Variants in FHIT observed in about 807,000 individuals in gnomAD.
The protein encoded by FHIT is bis(5'-adenosyl)-triphosphatase.
Under a neutral mutation model 17.9 loss-of-function variants are expected in FHIT, and 19 were observed. The observed-to-expected ratio is 1.06, with a 90% CI of 0.74 to 1.56. The LOEUF is 1.56. Among genes scored for constraint, FHIT ranks in the 40% most tolerant of loss-of-function variants. FHIT has a pLI of 0.00. For synonymous variants in FHIT, 81 were observed against 69.7 expected, an observed-to-expected ratio of 1.16 and a Z score of -0.81; for missense variants, 248 against 189.2, an observed-to-expected ratio of 1.31 and a Z score of -1.82.
intron 5 of FHIT, among the ~76,000 whole-genome samples, chr3:60,131,035 GTATA>G (rs1699563926): frequency 1.4e-5 from 1 of 69,280 alleles, no homozygotes; most frequent in Non-Finnish European, 2.4e-5. Context: ...ATACATATGT[GTATA>G]TATACACATA....
At position 61,200,640 on chromosome 3, in the gene FHIT, T is replaced by A. The variant is rs1576199181; in HGVS notation, c.-187A>T. 6.6e-6 allele frequency: 1 copy of A among 152,656 alleles called. No homozygotes were observed. The highest frequency in any genetic ancestry group is 1.5e-5 in the Non-Finnish European group (1 of 68,048). 9.5% of individuals were successfully genotyped at this position (152,656 alleles called of 1,614,324 possible). A position where few individuals can be genotyped will look rare whatever the true frequency, so the allele number is the denominator to read the frequency against. On this transcript the variant is annotated 5_prime_UTR_variant, in exon 2 of 10. Transcript: ENST00000492590. The stretch of plus-strand genomic sequence containing the variant: ...ACCTTTACAGACTGTTCTCAGTGGA[T>A]TTCTCTTCTTTCCTGAGCTTCAAAG...
chr3:60,471,984 A>G (rs2033109910), intron 5 of FHIT, among the ~76,000 whole-genome samples: 2 of 152,242 alleles, frequency 1.3e-5, no homozygotes, highest in Admixed American at 1.3e-4. Flanking sequence ...TGCCACAATT[A>G]CATAGTGAGT....
At chr3:60,890,228 A>AAAAAAAAAAAAAAG (rs1705445298) in intron 3 of FHIT, among the ~76,000 whole-genome samples, 1 of 22,148 alleles carries the variant, frequency 4.5e-5, no homozygotes, top group African/African-American at 7.9e-5. Flanking sequence ...ATGTAAAAAA[A>AAAAAAAAAAAAAAG]AAAAAAAAAA....
chr3:60,082,400 T>C (rs1484217809), intron 5 of FHIT, among the ~76,000 whole-genome samples: 3 of 152,150 alleles, frequency 2.0e-5, no homozygotes, highest in Non-Finnish European at 4.4e-5. Flanking sequence ...GTTGATTTCA[T>C]GTCTTTGCTA....
At chr3:60,175,769 C>G (rs889867183) in intron 5 of FHIT, among the ~76,000 whole-genome samples, 3 of 152,240 alleles carry the variant, frequency 2.0e-5, no homozygotes, top group African/African-American at 4.8e-5. Flanking sequence ...AAGTTAGAAG[C>G]TGAAGCATTT....
chr3:60,490,152 CATA>C (rs1308725062), intron 5 of FHIT, among the ~76,000 whole-genome samples: 7 of 151,942 alleles, frequency 4.6e-5, no homozygotes, highest in Non-Finnish European at 4.4e-5. Context: ...GATAAATATC[CATA>C]ATGTTTTTAT....
chr3:59,947,226 C>T (rs6446096), intron 7 of FHIT, among the ~76,000 whole-genome samples: 147,964 of 152,304 alleles, frequency 0.97, 72,023 homozygotes, highest in East Asian at 1. Context: ...CGTTTCTTCC[C>T]GGTTCAATCT....
chr3:60,215,132 G>T (rs867384911), intron 5 of FHIT, among the ~76,000 whole-genome samples: 1 of 151,830 alleles, frequency 6.6e-6, no homozygotes, highest in Non-Finnish European at 1.5e-5. Flanking sequence ...CAGTTTACCC[G>T]TGTAACAAGC....
chr3:60,353,184 C>A (rs1224220511), intron 5 of FHIT, among the ~76,000 whole-genome samples: 1 of 152,026 alleles, frequency 6.6e-6, no homozygotes, highest in African/African-American at 2.4e-5. Context: ...TTCTGAAAGC[C>A]AAAAATTCAG....
intron 5 of FHIT, among the ~76,000 whole-genome samples, chr3:60,073,024 A>T (rs1177642716): frequency 6.6e-6 from 1 of 152,182 alleles, no homozygotes; most frequent in East Asian, 1.9e-4. Flanking sequence ...TCATGGAAGA[A>T]AACCCCAACT....
At chr3:60,308,708 T>C (rs1342900761) in intron 5 of FHIT, among the ~76,000 whole-genome samples, 1 of 152,056 alleles carries the variant, frequency 6.6e-6, no homozygotes, top group Non-Finnish European at 1.5e-5. Context: ...GCATATGAAA[T>C]GTTCAGCATA....
chr3:60,048,330 C>A (rs1701735937), intron 5 of FHIT, among the ~76,000 whole-genome samples: 1 of 152,254 alleles, frequency 6.6e-6, no homozygotes, highest in Admixed American at 6.5e-5. Flanking sequence ...ACATGTGCCA[C>A]CACGCTTCCC....
intron 2 of FHIT, among the ~76,000 whole-genome samples, chr3:61,199,316 A>T (rs918810936): frequency 2.0e-5 from 3 of 152,202 alleles, no homozygotes; most frequent in African/African-American, 7.2e-5. Flanking sequence ...ACCAAATCCA[A>T]TTATTCATGA....
At chr3:60,079,341 A>T (rs1703173475) in intron 5 of FHIT, among the ~76,000 whole-genome samples, 1 of 152,164 alleles carries the variant, frequency 6.6e-6, no homozygotes, top group East Asian at 1.9e-4. Flanking sequence ...GTTTCTACAC[A>T]ATTGAAAACA....
At chr3:60,443,322 G>C (rs1374955254) in intron 5 of FHIT, among the ~76,000 whole-genome samples, 1 of 152,158 alleles carries the variant, frequency 6.6e-6, no homozygotes, top group Non-Finnish European at 1.5e-5. Context: ...GAATAGGAGT[G>C]GTGAGAGAGG....
intron 4 of FHIT, among the ~76,000 whole-genome samples, chr3:60,793,694 G>A (rs1044166116): frequency 5.9e-5 from 9 of 152,192 alleles, no homozygotes; most frequent in East Asian, 3.9e-4. Flanking sequence ...GAAGCCAAGC[G>A]AGGGTGTGAT....
At chr3:60,417,825 A>G (rs1218270348) in intron 5 of FHIT, among the ~76,000 whole-genome samples, 1 of 152,170 alleles carries the variant, frequency 6.6e-6, no homozygotes, top group Non-Finnish European at 1.5e-5. Flanking sequence ...TGTTAAGAGC[A>G]TCTCAGGCTG....
chr3:60,252,147 G>A (rs1400146935), intron 5 of FHIT, among the ~76,000 whole-genome samples: 3 of 152,138 alleles, frequency 2.0e-5, no homozygotes, highest in Admixed American at 6.5e-5. Flanking sequence ...TTTTGCAACA[G>A]CTCTGTTGTT....
In FHIT at chr3:60,693,496, A is replaced by G. The variant is rs183398740; in HGVS notation, c.-18+128423T>C. 2.6e-4 allele frequency among the ~76,000 whole-genome samples: 40 copies of G among 152,328 alleles called. 1 individual carries two copies. Among genetic ancestry groups the G allele is most frequent in the Admixed American group, 2.6e-3 (40 of 15,300 alleles). On this transcript the variant is annotated intron_variant, in intron 4 of 9. Transcript: ENST00000492590. The stretch of plus-strand genomic sequence containing the variant: ...ATATTTCTCTACTCACCAGCCTCTG[A>G]AAATCCCTGTGTTTACCCAAGATTT...
Sources: gnomAD v4.1 joint callset for allele counts (sites outside exome capture counted in the v4.1 genomes callset) on GRCh38, gnomAD v4.1.1 for gene constraint, MANE v1.5 for transcripts, NCBI Gene and HGNC (gene_info 2026-07-23, HGNC 2026-07-21) for gene names.